GSR: variants seen among roughly 807,000 people sequenced by gnomAD.
GSR encodes glutathione-disulfide reductase.
In GSR, 48 loss-of-function variants were observed where a neutral mutation model predicts 56.5. That is an observed-to-expected ratio of 0.85 (90% CI 0.67 to 1.08). The LOEUF is 1.08. GSR is among the 50% of genes least tolerant of loss of function. The pLI, the probability that GSR is intolerant of heterozygous loss-of-function variation, is 0.00. For missense variants in GSR, 694 were observed against 703.3 expected (o/e 0.99, Z 0.15); for synonymous variants, 264 against 270.8 (o/e 0.97, Z 0.25).
At chr8:30,693,760 C>G (rs1414227768) in intron 7 of GSR, among the ~76,000 whole-genome samples, 2 of 152,172 alleles carry the variant, frequency 1.3e-5, no homozygotes, top group South Asian at 4.1e-4. Context: ...AACTCCTGAC[C>G]TCAGGTGATC....
rs1451602321 is a variant in GSR at position 30,689,414 on chromosome 8, A to C, written c.883-95T>G. On this transcript the variant is annotated intron_variant, in intron 8 of 12. Coordinates refer to ENST00000221130, the MANE Select transcript of GSR (RefSeq NM_000637.5). ...TACAGAGGAAACTAGAATTTTTAAC[A>C]TTAAAGAAAATCCCTACTGAATCCC... The C allele has an allele frequency of 3.0e-6, 3 of 1,003,610 alleles. No homozygotes were observed. In the East Asian group the frequency reaches 7.1e-5, roughly 24 times the overall value. The allele number at this position is 1,003,610 out of a possible 1,614,324, so 62.2% of individuals were successfully genotyped here. A position where few individuals can be genotyped will look rare whatever the true frequency, so the allele number is the denominator to read the frequency against.
chr8:30,704,067 G>A (rs1321451176), intron 4 of GSR, among the ~76,000 whole-genome samples: 1 of 152,106 alleles, frequency 6.6e-6, no homozygotes, highest in Non-Finnish European at 1.5e-5. Flanking sequence ...GCTCACATCT[G>A]TAATTCCAGC....
chr8:30,712,035 A>C, intron 2 of GSR, 27 bp downstream of exon 2: 1 of 1,198,144 alleles, frequency 8.3e-7, no homozygotes, highest in Non-Finnish European at 1.2e-6. Context: ...AAAGGATTGT[A>C]AAGGGAAAGA....
At chr8:30,702,648 A>G (rs1365571200) in intron 5 of GSR, among the ~76,000 whole-genome samples, 32 of 152,146 alleles carry the variant, frequency 2.1e-4, no homozygotes, top group Admixed American at 2.1e-3. Flanking sequence ...CCTGGGGCCA[A>G]ATGAAATCTC....
chr8:30,703,130 A>G lies in GSR; in HGVS notation c.603T>C (p.Gly201=). ...TCTCATGAGGGGTGGAGGGCATACC[A>G]CCTGTGGCGATCAGGATGTGTGGGG... ...YTAPHILIAT[G]GMPSTPHESQ... The change falls in exon 5 of 13, where the codon GGT becomes GGC. Residue 201 remains glycine, a synonymous_variant. Transcript: ENST00000221130. The G allele has an allele frequency of 1.2e-6, 2 of 1,613,930 alleles. No homozygotes were observed. The highest frequency in any genetic ancestry group is 1.7e-6 in the Non-Finnish European group (2 of 1,179,950).
In GSR at chr8:30,694,253, T is replaced by C. The variant is rs553895386; in HGVS notation, c.796-1198A>G. On this transcript the variant is annotated intron_variant, in intron 7 of 12. Transcript: ENST00000221130. ...AAGAATTAGAATCATAGCATCTTGG[T>C]AGTCAGGGATCTGATAAATTCTGTC... Among the ~76,000 whole-genome samples, 25 of 152,286 alleles carry C rather than the reference T, an allele frequency of 1.6e-4. 1 individual carries two copies. The South Asian group carries it at 5.2e-3, about 32-fold the overall frequency.
chr8:30,703,553 C>A (rs1803819225), intron 4 of GSR, among the ~76,000 whole-genome samples: 1 of 151,978 alleles, frequency 6.6e-6, no homozygotes. Flanking sequence ...TCGAGACCAG[C>A]CTGGGAAACA....
chr8:30,714,202 CTTTTTTTTTTTTTT>C (rs33969608), intron 1 of GSR, among the ~76,000 whole-genome samples: 4 of 63,960 alleles, frequency 6.3e-5, no homozygotes, highest in African/African-American at 1.3e-4. Context: ...GTTCTATATG[CTTTTTTTTTTTTTT>C]TTTTTTTTTT....
intron 1 of GSR, among the ~76,000 whole-genome samples, chr8:30,725,212 G>T (rs1472905681): frequency 6.6e-6 from 1 of 152,136 alleles, no homozygotes; most frequent in African/African-American, 2.4e-5. Flanking sequence ...GGAGGCCAAG[G>T]CAGGCCGACT....
intron 6 of GSR, 119 bp downstream of exon 6, chr8:30,699,962 G>A (rs574859610): frequency 1.3e-6 from 1 of 790,634 alleles, no homozygotes; most frequent in East Asian, 2.4e-5. Context: ...AAGAGAAGCT[G>A]TAAGAGGAGG....
intron 1 of GSR, among the ~76,000 whole-genome samples, chr8:30,724,013 T>A (rs982825720): frequency 2.6e-5 from 4 of 152,148 alleles, no homozygotes; most frequent in African/African-American, 9.7e-5. Flanking sequence ...CACCACAACT[T>A]TAAAACTTCC....
Position 30,712,060 on chromosome 8 carries a change from A to G in GSR, c.333+2T>C. On this transcript the variant is annotated splice_donor_variant, in intron 2 of 12. Transcript: ENST00000221130. LOFTEE classifies it high-confidence loss of function. ...AAAGGGAAAGAGAAATAAAAATTCT[A>G]CCTTTTTGGGTACACATCCAACATT... is the stretch of plus-strand genomic sequence containing the variant. 7.2e-7 allele frequency: 1 copy of G among 1,396,198 alleles called. No homozygotes were observed. Among genetic ancestry groups the G allele is most frequent in the Non-Finnish European group, 1.0e-6 (1 of 986,942 alleles). 86.5% of individuals were successfully genotyped at this position (1,396,198 alleles called of 1,614,324 possible).
intron 1 of GSR, among the ~76,000 whole-genome samples, chr8:30,718,054 T>C (rs1804397523): frequency 6.6e-6 from 1 of 151,896 alleles, no homozygotes; most frequent in Non-Finnish European, 1.5e-5. Flanking sequence ...TGAGCCGAGA[T>C]CATGCCATTG....
In GSR at chr8:30,683,754, C is replaced by CA. The variant is rs10679532; in HGVS notation, c.1153+333dup. 0.2 allele frequency among the ~76,000 whole-genome samples: 28,705 copies of CA among 141,882 alleles called. 3,096 individuals carry two copies. The highest frequency in any genetic ancestry group is 0.35 in the East Asian group (1,664 of 4,806). 93.1% of individuals were successfully genotyped at this position (141,882 alleles called of 152,430 possible). ...TCCAGCCTGGGTAACAGAGTGTCTC[C>CA]AAAAAAAAAAAAAATGCCAATCTAA... On this transcript the variant is annotated intron_variant, in intron 10 of 12. Coordinates refer to ENST00000221130, the MANE Select transcript of GSR (RefSeq NM_000637.5).
At chr8:30,724,219 GAAAAGA>G (rs1244011770) in intron 1 of GSR, among the ~76,000 whole-genome samples, 3 of 151,968 alleles carry the variant, frequency 2.0e-5, no homozygotes, top group Admixed American at 6.6e-5. Flanking sequence ...AAACTGAAAG[GAAAAGA>G]AAAAGAAAAA....
chr8:30,717,728 G>A (rs1038407911), intron 1 of GSR, among the ~76,000 whole-genome samples: 2 of 151,992 alleles, frequency 1.3e-5, no homozygotes, highest in Admixed American at 6.6e-5. Context: ...GGGCTCCGTC[G>A]GAGTCTAGTT....
Position 30,685,195 on chromosome 8 carries a change from C to G in GSR, c.1042-996G>C, listed in dbSNP as rs1365203646. Among the ~76,000 whole-genome samples the G allele has an allele frequency of 3.9e-5, 6 of 152,022 alleles. No homozygotes were observed. In the East Asian group the frequency reaches 1.2e-3, roughly 29 times the overall value. ...CAGGATGGTCTTGATCTCCTGACCT[C>G]GTGATCCACCTGCCTCGGCCTCCCA... On this transcript the variant is annotated intron_variant, in intron 9 of 12. Transcript: ENST00000221130.
intron 5 of GSR, among the ~76,000 whole-genome samples, chr8:30,702,566 A>G (rs1256145837): frequency 6.6e-6 from 1 of 152,166 alleles, no homozygotes; most frequent in Non-Finnish European, 1.5e-5. Context: ...GAAACAATGT[A>G]TGCTAAGCTA....
intron 5 of GSR, among the ~76,000 whole-genome samples, chr8:30,702,688 G>A (rs998757207): frequency 6.6e-6 from 1 of 152,188 alleles, no homozygotes; most frequent in Non-Finnish European, 1.5e-5. Context: ...TGCAATCCCA[G>A]CACTTTGGGA....
Sources: allele counts gnomAD v4.1 joint callset (sites outside exome capture counted in the v4.1 genomes callset), GRCh38; gene constraint gnomAD v4.1.1; transcripts MANE v1.5; gene names NCBI Gene and HGNC (gene_info 2026-07-23, HGNC 2026-07-21).